Variants in ARL6 observed in about 807,000 individuals in gnomAD.
The protein encoded by ARL6 is ARF like GTPase 6, also known as ADP-ribosylation factor-like protein 6.
A neutral mutation model predicts 27.1 loss-of-function variants in ARL6; 18 were observed. The ratio of observed to expected loss-of-function variants is 0.66; its 90% CI spans 0.46 to 0.98. The LOEUF (loss-of-function observed/expected upper bound fraction) is 0.98. Ranked by LOEUF, ARL6 falls within the 50% of genes least tolerant of loss-of-function variation. ARL6 has a pLI of 0.00. For missense variants in ARL6, 187 were observed against 214.9 expected, an observed-to-expected ratio of 0.87 and a Z score of 0.81; for synonymous variants, 65 against 72.3, an observed-to-expected ratio of 0.90 and a Z score of 0.51.
rs148740783 is a variant in ARL6, at chr3:97,787,273, T to C, written c.350-717T>C. 2.6e-5 allele frequency among the ~76,000 whole-genome samples: 4 copies of C among 152,214 alleles called. No individual in the cohort carries two copies. The East Asian group carries it at 7.7e-4, about 29-fold the overall frequency. The stretch of plus-strand genomic sequence containing the variant: ...CTGATATGGGATCAGATCCAAGATA[T>C]GTAAATAAATGAAAAGATAAAGGTA... On this transcript the variant is annotated intron_variant, in intron 5 of 7. Transcript: ENST00000463745.
At chr3:97,797,913 C>T in intron 7 of ARL6, 111 bp from the exon 8 acceptor site, 1 of 974,106 alleles carries the variant, frequency 1.0e-6, no homozygotes, top group East Asian at 2.4e-5. Context: ...ATAACAAAAG[C>T]ACATGTATAC....
chr3:97,779,021 A>C (rs1210749274), intron 2 of ARL6, among the ~76,000 whole-genome samples: 1 of 152,188 alleles, frequency 6.6e-6, no homozygotes, highest in African/African-American at 2.4e-5. Context: ...TTTCTGATGA[A>C]AGTGCTAGGA....
chr3:97,796,547 T>G (rs779041017), intron 7 of ARL6, among the ~76,000 whole-genome samples: 1 of 152,050 alleles, frequency 6.6e-6, no homozygotes, highest in Non-Finnish European at 1.5e-5. Context: ...AAGTAGAGGA[T>G]AGCAAATCCT....
chr3:97,787,102 C>T (rs1427334282), intron 5 of ARL6, among the ~76,000 whole-genome samples: 1 of 152,126 alleles, frequency 6.6e-6, no homozygotes, highest in Non-Finnish European at 1.5e-5. Flanking sequence ...TACCTATATA[C>T]ACATTTATTC....
chr3:97,794,871 A>G, intron 7 of ARL6, among the ~76,000 whole-genome samples: 1 of 152,072 alleles, frequency 6.6e-6, no homozygotes, highest in Non-Finnish European at 1.5e-5. Context: ...AGATCACTTG[A>G]GGACAGGAGT....
intron 4 of ARL6, among the ~76,000 whole-genome samples, chr3:97,782,514 A>G (rs2037246536): frequency 6.6e-6 from 1 of 151,910 alleles, no homozygotes; most frequent in Non-Finnish European, 1.5e-5. Flanking sequence ...AAACAAAACA[A>G]GTACATTTTG....
rs748946606 is a variant in ARL6 at position 97,768,100 on chromosome 3, A to G, written c.-8A>G. 34 of 1,612,602 alleles carry G rather than the reference A, an allele frequency of 2.1e-5. No individual in the cohort carries two copies. The African/African-American group carries it at 3.9e-4, about 18-fold the overall frequency. On this transcript the variant is annotated 5_prime_UTR_variant, in exon 2 of 8. Coordinates refer to ENST00000463745, the MANE Select transcript of ARL6 (RefSeq NM_001278293.3). The stretch of plus-strand genomic sequence containing the variant: ...TTGCAGCTGGTTTGTAAATATTTGA[A>G]TCACATTATGGGATTGCTAGACAGA...
chr3:97,773,168 G>A (rs1365300590), intron 2 of ARL6, among the ~76,000 whole-genome samples: 1 of 152,178 alleles, frequency 6.6e-6, no homozygotes, highest in Admixed American at 6.5e-5. Context: ...AAGCCAGTCT[G>A]AGTCACAAAA....
At chr3:97,770,522 G>A (rs906551087) in intron 2 of ARL6, among the ~76,000 whole-genome samples, 1 of 152,070 alleles carries the variant, frequency 6.6e-6, no homozygotes, top group Admixed American at 6.6e-5. Flanking sequence ...TTCCTTTGCT[G>A]TGTAGAAGCT....
chr3:97,781,829 C>T (rs1013035206), intron 4 of ARL6, among the ~76,000 whole-genome samples: 1 of 152,042 alleles, frequency 6.6e-6, no homozygotes, highest in African/African-American at 2.4e-5. Context: ...CTTAACTAAA[C>T]TCTCTTTTGT....
At chr3:97,771,296 G>T (rs575547292) in intron 2 of ARL6, among the ~76,000 whole-genome samples, 2 of 151,474 alleles carry the variant, frequency 1.3e-5, no homozygotes, top group South Asian at 4.2e-4. Flanking sequence ...TTACTTTCTT[G>T]ATTTCATTTT....
At chr3:97,765,814 C>A (rs1172285542) in intron 1 of ARL6, among the ~76,000 whole-genome samples, 4 of 152,288 alleles carry the variant, frequency 2.6e-5, no homozygotes, top group Non-Finnish European at 5.9e-5. Flanking sequence ...TTGTGTCTCT[C>A]GCTGCACACT....
intron 7 of ARL6, among the ~76,000 whole-genome samples, chr3:97,797,756 G>A (rs1383765445): frequency 6.6e-6 from 1 of 152,098 alleles, no homozygotes; most frequent in East Asian, 1.9e-4. Context: ...TAGATGAATT[G>A]TGCTTTTAAA....
chr3:97,789,032 A>T (rs890528765), intron 6 of ARL6, among the ~76,000 whole-genome samples: 2 of 152,180 alleles, frequency 1.3e-5, no homozygotes, highest in Non-Finnish European at 2.9e-5. Flanking sequence ...GAACTAGAAT[A>T]TGAAGCAAGG....
intron 2 of ARL6, among the ~76,000 whole-genome samples, chr3:97,779,583 T>G (rs1383547270): frequency 6.6e-6 from 1 of 152,062 alleles, no homozygotes; most frequent in Non-Finnish European, 1.5e-5. Flanking sequence ...GATTAGAAAG[T>G]ATGCCAGGCA....
At chr3:97,785,431 T>G (rs1465540995) in intron 5 of ARL6, among the ~76,000 whole-genome samples, 2 of 123,316 alleles carry the variant, frequency 1.6e-5, no homozygotes, top group Non-Finnish European at 3.7e-5. Flanking sequence ...CATGCATTTC[T>G]CTATGTGTAT....
chr3:97,777,082 C>T (rs1315495265), intron 2 of ARL6, among the ~76,000 whole-genome samples: 3 of 152,204 alleles, frequency 2.0e-5, no homozygotes, highest in Non-Finnish European at 4.4e-5. Context: ...TCTTCTTCAG[C>T]AGTGAATCCC....
At chr3:97,795,342 A>T (rs1294703893) in intron 7 of ARL6, among the ~76,000 whole-genome samples, 3 of 152,200 alleles carry the variant, frequency 2.0e-5, no homozygotes, top group African/African-American at 7.2e-5. Flanking sequence ...AATAACTAAT[A>T]AAGTGTATTC....
chr3:97,778,918 TA>T (rs2037041224), intron 2 of ARL6, among the ~76,000 whole-genome samples: 1 of 151,880 alleles, frequency 6.6e-6, no homozygotes, highest in Non-Finnish European at 1.5e-5. Flanking sequence ...AATGATTACA[TA>T]AAGAATGTAA....
Sources: allele counts gnomAD v4.1 joint callset (sites outside exome capture counted in the v4.1 genomes callset), GRCh38; gene constraint gnomAD v4.1.1; transcripts MANE v1.5; gene names NCBI Gene and HGNC (gene_info 2026-07-23, HGNC 2026-07-21).